CRB1: variants seen among roughly 807,000 people sequenced by gnomAD.
CRB1 encodes crumbs cell polarity complex component 1.
CRB1 carries 83 observed loss-of-function variants against 120.0 expected under a neutral mutation model. That is an observed-to-expected ratio of 0.69 (90% CI 0.58 to 0.83). The LOEUF (loss-of-function observed/expected upper bound fraction) is 0.83, where lower values mean the gene tolerates loss of function less well. CRB1 is among the 40% of genes least tolerant of loss of function. CRB1 has a pLI of 0.00. For missense variants in CRB1, 1,699 were observed against 1,687.6 expected (o/e 1.01, Z -0.12); for synonymous variants, 625 against 612.5 (o/e 1.02, Z -0.30).
Position 197,427,587 on chromosome 1 carries a change from T to G in CRB1, c.2262T>G (p.Ala754=). 6.2e-7 allele frequency: 1 copy of G among 1,614,004 alleles called. No individual in the cohort carries two copies. The highest frequency in any genetic ancestry group is 8.5e-7 in the Non-Finnish European group (1 of 1,179,998). The change falls in exon 7 of 12, where the codon GCT becomes GCG. Residue 754 remains alanine (A), a synonymous_variant. Transcript: ENST00000367400. ...RTLQPSGLLL[A]LENSTYQYIR... ...TTCAACCATCAGGCTTACTTCTAGC[T>G]TTGGAAAACAGCACTTATCAATATA...
chr1:197,341,897 A>C (rs1659484407), intron 2 of CRB1, among the ~76,000 whole-genome samples: 1 of 152,150 alleles, frequency 6.6e-6, no homozygotes, highest in Non-Finnish European at 1.5e-5. Flanking sequence ...TGGGACATTT[A>C]ACTTCAGTTT....
upstream of CRB1, among the ~76,000 whole-genome samples, chr1:197,266,936 A>G (rs1386502230): frequency 2.6e-5 from 4 of 152,152 alleles, no homozygotes; most frequent in Non-Finnish European, 5.9e-5. Flanking sequence ...ATGGAGATCA[A>G]GTTGGTTCAG....
At chr1:197,385,206 A>T (rs1157958116) in intron 5 of CRB1, among the ~76,000 whole-genome samples, 1 of 152,184 alleles carries the variant, frequency 6.6e-6, no homozygotes, top group African/African-American at 2.4e-5. Context: ...AATTAGTCGA[A>T]TTAGTTGTAC....
intron 6 of CRB1, 24 bp downstream of exon 6, chr1:197,421,980 G>A (rs1277666928): frequency 1.9e-6 from 3 of 1,607,496 alleles, no homozygotes; most frequent in South Asian, 1.1e-5. Flanking sequence ...GAGTGCTATG[G>A]CTAGGAGTGC....
At chr1:197,429,649 A>C (rs1308715003) in intron 8 of CRB1, 35 bp downstream of exon 8, 1 of 1,606,656 alleles carries the variant, frequency 6.2e-7, no homozygotes, top group African/African-American at 1.3e-5. Flanking sequence ...CTCACCAGTT[A>C]AGTTGCGACA....
the CRB1 span, among the ~76,000 whole-genome samples, chr1:197,207,191 A>C: frequency 6.6e-6 from 1 of 151,718 alleles, no homozygotes; most frequent in African/African-American, 2.4e-5. Flanking sequence ...TTTTAAGTGG[A>C]GCATTTTGGC....
the CRB1 span, among the ~76,000 whole-genome samples, chr1:197,207,704 T>G: frequency 6.6e-6 from 1 of 152,202 alleles, no homozygotes; most frequent in Admixed American, 6.5e-5. Flanking sequence ...TAGGTGATTA[T>G]CTTTTTGCAA....
chr1:197,291,420 T>C (rs1656174770), intron 1 of CRB1, among the ~76,000 whole-genome samples: 1 of 151,784 alleles, frequency 6.6e-6, no homozygotes, highest in Non-Finnish European at 1.5e-5. Flanking sequence ...CTAAGATTAG[T>C]TGGTTACATG....
chr1:197,257,712 T>C, the CRB1 span, among the ~76,000 whole-genome samples: 4 of 152,182 alleles, frequency 2.6e-5, no homozygotes, highest in African/African-American at 7.2e-5. Context: ...GCTAATCCAA[T>C]GAAACCTCAT....
At chr1:197,347,222 T>C (rs1318654144) in intron 3 of CRB1, 118 bp from the exon 4 acceptor site, 10 of 875,320 alleles carry the variant, frequency 1.1e-5, no homozygotes, top group East Asian at 2.4e-5. Flanking sequence ...CCCAGAGTTT[T>C]TGAGGTAGTA....
intron 4 of CRB1, among the ~76,000 whole-genome samples, chr1:197,350,154 A>G (rs1407282382): frequency 6.6e-6 from 1 of 151,578 alleles, no homozygotes; most frequent in Non-Finnish European, 1.5e-5. Flanking sequence ...ATGTAGTTTC[A>G]TGTTCTTGTC....
intron 5 of CRB1, among the ~76,000 whole-genome samples, chr1:197,370,251 G>A (rs1057101912): frequency 6.6e-5 from 10 of 151,556 alleles, no homozygotes; most frequent in East Asian, 3.9e-4. Context: ...AAAAAAAACC[G>A]CAAGGTATTT....
intron 2 of CRB1, among the ~76,000 whole-genome samples, chr1:197,342,039 G>A (rs1659495107): frequency 6.6e-6 from 1 of 152,190 alleles, no homozygotes; most frequent in Non-Finnish European, 1.5e-5. Context: ...TATGACATAT[G>A]ACTAGCATGT....
intron 11 of CRB1, among the ~76,000 whole-genome samples, chr1:197,461,638 G>C (rs1666536887): frequency 1.3e-5 from 2 of 152,100 alleles, no homozygotes; most frequent in South Asian, 4.1e-4. Context: ...CCTGTCCACT[G>C]ATTTACTCAT....
chr1:197,393,628 C>G (rs1175722333), intron 5 of CRB1, among the ~76,000 whole-genome samples: 1 of 151,888 alleles, frequency 6.6e-6, no homozygotes, highest in Non-Finnish European at 1.5e-5. Context: ...TTTGAATGAC[C>G]AAACTCTCTA....
chr1:197,427,622 G>A lies in CRB1; in HGVS notation c.2297G>A (p.Trp766Ter). The A allele has an allele frequency of 6.2e-7, 1 of 1,613,940 alleles. No homozygotes were observed. Among genetic ancestry groups the A allele is most frequent in the East Asian group, 2.2e-5 (1 of 44,878 alleles). Reference protein sequence around the residue: ...ENSTYQYIRVWLERGRLAMLT... With the variant: ...ENSTYQYIRV ...AGCACTTATCAATATATCCGTGTCT[G>A]GCTAGAGCGCGGCAGACTAGCAATG... Residue 766 changes from tryptophan to a stop codon, truncating the protein, a stop_gained, in exon 7 of 12, where the codon TGG becomes TAG. Coordinates refer to ENST00000367400, the MANE Select transcript of CRB1 (RefSeq NM_201253.3). LOFTEE classifies it high-confidence loss of function.
the CRB1 span, among the ~76,000 whole-genome samples, chr1:197,208,465 G>A: frequency 6.6e-6 from 1 of 152,120 alleles, no homozygotes; most frequent in Admixed American, 6.6e-5. Context: ...TTTCCTCAGA[G>A]CCAAACTGCA....
At chr1:197,428,903 C>G (rs1664731327) in intron 7 of CRB1, 4 of 1,468,652 alleles carry the variant, frequency 2.7e-6, no homozygotes, top group East Asian at 2.5e-5. Context: ...TTTTTAAATA[C>G]TTTCATTTTG....
chr1:197,255,965 TTATATATATATATATA>T, the CRB1 span, among the ~76,000 whole-genome samples: 44 of 85,340 alleles, frequency 5.2e-4, no homozygotes, highest in East Asian at 2.8e-3. Context: ...ATAGAACATT[TTATATATATATATATA>T]TATATATATA....
Sources: allele counts gnomAD v4.1 joint callset (sites outside exome capture counted in the v4.1 genomes callset), GRCh38; gene constraint gnomAD v4.1.1; transcripts MANE v1.5; gene names NCBI Gene and HGNC (gene_info 2026-07-23, HGNC 2026-07-21).